Variants in MRPL1 observed in about 807,000 individuals in gnomAD.
The protein encoded by MRPL1 is mitochondrial ribosomal protein L1.
Under a neutral mutation model 38.0 loss-of-function variants are expected in MRPL1, and 28 were observed. The ratio of observed to expected loss-of-function variants is 0.74; its 90% CI spans 0.55 to 1.01. The LOEUF is 1.01. MRPL1 is among the 50% of genes least tolerant of loss of function. MRPL1 has a pLI of 0.00. For missense variants in MRPL1, 358 were observed against 389.8 expected, an observed-to-expected ratio of 0.92 and a Z score of 0.69; for synonymous variants, 123 against 126.7, an observed-to-expected ratio of 0.97 and a Z score of 0.20.
intron 7 of MRPL1, among the ~76,000 whole-genome samples, chr4:77,919,797 AATAT>A (rs10618413): frequency 0.22 from 32,984 of 151,486 alleles, 4,318 homozygotes; most frequent in African/African-American, 0.36. Context: ...GAACCTATAA[AATAT>A]ATATATTCAA....
intron 7 of MRPL1, among the ~76,000 whole-genome samples, chr4:77,923,451 A>C (rs1032269453): frequency 6.6e-6 from 1 of 152,126 alleles, no homozygotes; most frequent in Non-Finnish European, 1.5e-5. Context: ...TAGTTTTTAA[A>C]ACAATCTGTT....
intron 6 of MRPL1, among the ~76,000 whole-genome samples, chr4:77,908,712 G>A (rs1226439737): frequency 6.6e-6 from 1 of 152,168 alleles, no homozygotes; most frequent in African/African-American, 2.4e-5. Flanking sequence ...CACCATTTCT[G>A]TGTGTCAGGA....
chr4:77,881,996 C>G (rs1179169644), intron 2 of MRPL1, among the ~76,000 whole-genome samples: 2 of 152,158 alleles, frequency 1.3e-5, no homozygotes, highest in Non-Finnish European at 2.9e-5. Context: ...TCTTTTCTAA[C>G]CTCATCTTCC....
At chr4:77,894,956 A>G (rs1011236801) in intron 6 of MRPL1, among the ~76,000 whole-genome samples, 1 of 152,136 alleles carries the variant, frequency 6.6e-6, no homozygotes, top group African/African-American at 2.4e-5. Flanking sequence ...GTCAGAAATC[A>G]TAGGCCAGGT....
chr4:77,934,493 C>A (rs1488948474), intron 7 of MRPL1, among the ~76,000 whole-genome samples: 1 of 152,030 alleles, frequency 6.6e-6, no homozygotes, highest in African/African-American at 2.4e-5. Context: ...ATGAGATACC[C>A]CTTCATACTC....
intron 3 of MRPL1, among the ~76,000 whole-genome samples, chr4:77,884,733 C>A (rs1432546260): frequency 1.3e-5 from 2 of 152,152 alleles, no homozygotes; most frequent in Admixed American, 1.3e-4. Context: ...TTGGGGGTGA[C>A]CTACTGGGCA....
Position 77,897,198 on chromosome 4 carries a change from C to T in MRPL1, c.670+2948C>T, listed in dbSNP as rs143208737. On this transcript the variant is annotated intron_variant, in intron 6 of 8. Coordinates refer to ENST00000315567, the MANE Select transcript of MRPL1 (RefSeq NM_020236.4). ...TCTGCCTCAGCCTCCCAAGTAGCTG[C>T]GATTACAGGAGCATGCCACCACACC... is the stretch of plus-strand genomic sequence containing the variant. 4.2e-3 allele frequency among the ~76,000 whole-genome samples: 641 copies of T among 151,948 alleles called. 7 individuals are homozygous for T. Among genetic ancestry groups the T allele is most frequent in the African/African-American group, 0.015 (617 of 41,440 alleles).
At chr4:77,908,795 G>A (rs4417999) in intron 6 of MRPL1, among the ~76,000 whole-genome samples, 21,651 of 152,134 alleles carry the variant, frequency 0.14, 1,767 homozygotes, top group South Asian at 0.2. Context: ...TGGCCAGAGA[G>A]GTGGTTTCAT....
At position 77,887,284 on chromosome 4, in the gene MRPL1, T is replaced by G; in HGVS notation, c.551T>G (p.Ile184Arg). 2.5e-6 allele frequency: 4 copies of G among 1,612,572 alleles called. No homozygotes were observed. Among genetic ancestry groups the G allele is most frequent in the Non-Finnish European group, 3.4e-6 (4 of 1,178,538 alleles). The change falls in exon 5 of 9, where the codon ATA (isoleucine) becomes AGA (arginine). Residue 184 changes from isoleucine to arginine, a missense_variant. Physicochemically the swap from Ile to Arg is moderately conservative, Grantham distance 97. Transcript: ENST00000315567. ...GAAFAGGTSL[I>R]QKIWDDEIVA... ...GCATTTGCAGGAGGCACTAGTCTGA[T>G]ACAGAAGGTACAGTGTTGTTTTCAT...
intron 7 of MRPL1, among the ~76,000 whole-genome samples, chr4:77,911,839 C>G (rs1417634268): frequency 1.3e-5 from 2 of 152,040 alleles, no homozygotes; most frequent in African/African-American, 4.8e-5. Context: ...GTAACAATTG[C>G]AAACTAAATT....
chr4:77,917,376 A>G (rs1279212007), intron 7 of MRPL1, among the ~76,000 whole-genome samples: 1 of 152,166 alleles, frequency 6.6e-6, no homozygotes, highest in Non-Finnish European at 1.5e-5. Context: ...ATTGCCTGGC[A>G]TTTGCTAACT....
chr4:77,941,189 C>T (rs536736742), intron 7 of MRPL1, among the ~76,000 whole-genome samples: 5 of 151,560 alleles, frequency 3.3e-5, no homozygotes, highest in South Asian at 2.1e-4. Context: ...CACTTGAACC[C>T]GGGAGGCAGT....
chr4:77,936,278 A>G (rs571501448), intron 7 of MRPL1, among the ~76,000 whole-genome samples: 7 of 152,088 alleles, frequency 4.6e-5, no homozygotes, highest in Non-Finnish European at 1.0e-4. Flanking sequence ...AAGTATTTTA[A>G]TAGCTGTTTC....
intron 2 of MRPL1, among the ~76,000 whole-genome samples, chr4:77,877,449 G>A (rs1735424275): frequency 1.6e-5 from 2 of 122,652 alleles, no homozygotes; most frequent in Admixed American, 1.1e-4. Context: ...TTTTCTCAGC[G>A]TTCCTGTTCA....
chr4:77,938,768 A>G (rs1366681637), intron 7 of MRPL1, among the ~76,000 whole-genome samples: 2 of 152,016 alleles, frequency 1.3e-5, no homozygotes, highest in East Asian at 1.9e-4. Flanking sequence ...CCTCAGCACA[A>G]CCTGTATCAC....
chr4:77,878,814 C>T (rs548751287), intron 2 of MRPL1, among the ~76,000 whole-genome samples: 21 of 152,066 alleles, frequency 1.4e-4, no homozygotes, highest in East Asian at 9.7e-4. Context: ...GGGAGGCGGA[C>T]GTTGCAGTGA....
chr4:77,862,843 C>G lies in MRPL1; in HGVS notation c.-6C>G. ...AATTTCGTGAACGCAATCCGGAGTG[C>G]CCAACATGGCGGCGGCCGTAAGGTG... On this transcript the variant is annotated 5_prime_UTR_variant, in exon 1 of 9. Transcript: ENST00000315567. 1 of 1,614,090 alleles carries G rather than the reference C, an allele frequency of 6.2e-7. No individual in the cohort carries two copies. The highest frequency in any genetic ancestry group is 1.3e-5 in the African/African-American group (1 of 75,044).
intron 6 of MRPL1, among the ~76,000 whole-genome samples, chr4:77,898,986 C>T (rs1735977098): frequency 7.0e-6 from 1 of 142,830 alleles, no homozygotes; most frequent in African/African-American, 2.6e-5. Flanking sequence ...TACTTATGCA[C>T]AGATTTTTTT....
chr4:77,902,760 A>G (rs1040879694), intron 6 of MRPL1, among the ~76,000 whole-genome samples: 2 of 152,252 alleles, frequency 1.3e-5, no homozygotes, highest in Admixed American at 6.5e-5. Flanking sequence ...GACAATTTAC[A>G]TAAAATGACA....
Sources: allele counts gnomAD v4.1 joint callset (sites outside exome capture counted in the v4.1 genomes callset), GRCh38; gene constraint gnomAD v4.1.1; transcripts MANE v1.5; gene names NCBI Gene and HGNC (gene_info 2026-07-23, HGNC 2026-07-21).